Variants in TBCD observed in about 807,000 individuals in gnomAD.
TBCD encodes tubulin folding cofactor D.
A neutral mutation model predicts 169.3 loss-of-function variants in TBCD; 105 were observed. The ratio of observed to expected loss-of-function variants is 0.62; its 90% CI spans 0.53 to 0.73. The LOEUF is 0.73. Ranked by LOEUF, TBCD falls within the 30% of genes least tolerant of loss-of-function variation. TBCD has a pLI of 0.00. For synonymous variants in TBCD, 700 were observed against 643.9 expected, an observed-to-expected ratio of 1.09 and a Z score of -1.32; for missense variants, 1,444 against 1,600.1, an observed-to-expected ratio of 0.90 and a Z score of 1.66.
At chr17:82,753,824 A>G (rs2264578) in intron 1 of TBCD, among the ~76,000 whole-genome samples, 93,221 of 149,588 alleles carry the variant, frequency 0.62, 29,072 homozygotes, top group African/African-American at 0.65. Flanking sequence ...CATGGAGAAG[A>G]TTTAGTTCAC....
intron 13 of TBCD, among the ~76,000 whole-genome samples, chr17:82,855,501 C>G (rs1044754489): frequency 3.9e-5 from 6 of 151,968 alleles, no homozygotes; most frequent in Middle Eastern, 6.8e-3. Context: ...CTCCTGGGCT[C>G]ACGTGATCTA....
chr17:82,911,177 T>C (rs1254464720), intron 22 of TBCD, among the ~76,000 whole-genome samples: 2 of 152,204 alleles, frequency 1.3e-5, no homozygotes, highest in Admixed American at 1.3e-4. Flanking sequence ...TTTCATATGT[T>C]GCATTCTGTC....
At chr17:82,758,807 G>T (rs1454940264) in intron 2 of TBCD, among the ~76,000 whole-genome samples, 1 of 151,534 alleles carries the variant, frequency 6.6e-6, no homozygotes, top group Non-Finnish European at 1.5e-5. Flanking sequence ...TTACAGGCGT[G>T]TGCTACCACG....
rs956328145 is a variant in TBCD, at chr17:82,835,971, C to T, written c.1318+21037C>T. ...AGGGTGTCGGGTGACACCCTGGGCT[C>T]AGACCCCGCGCTCAGCACCCGTCTC... On this transcript the variant is annotated intron_variant, in intron 13 of 38. Coordinates refer to ENST00000355528, the MANE Select transcript of TBCD (RefSeq NM_005993.5). This position sits in a 1 kb window ranked among gnomAD's most constrained non-coding sequence, Gnocchi z 4.5. Among the ~76,000 whole-genome samples the T allele has an allele frequency of 6.6e-6, 1 of 152,218 alleles. No individual in the cohort carries two copies. Among genetic ancestry groups the T allele is most frequent in the African/African-American group, 2.4e-5 (1 of 41,460 alleles).
intron 5 of TBCD, among the ~76,000 whole-genome samples, chr17:82,770,522 C>T (rs1274348931): frequency 1.3e-5 from 2 of 151,616 alleles, no homozygotes; most frequent in Non-Finnish European, 2.9e-5. Flanking sequence ...TCGCTTGAAC[C>T]TGGGAGGCGG....
intron 5 of TBCD, among the ~76,000 whole-genome samples, chr17:82,771,880 C>T (rs547909446): frequency 2.0e-4 from 31 of 151,718 alleles, no homozygotes; most frequent in African/African-American, 6.5e-4. Context: ...GCCGAGATCG[C>T]GCCACGGCCC....
intron 13 of TBCD, among the ~76,000 whole-genome samples, chr17:82,841,982 G>A (rs962086771): frequency 6.6e-6 from 1 of 152,258 alleles, no homozygotes; most frequent in Non-Finnish European, 1.5e-5. Context: ...GAGCAAGGCG[G>A]AAGGTTCCAG....
chr17:82,904,582 G>A (rs2060109406), intron 19 of TBCD, among the ~76,000 whole-genome samples: 1 of 152,096 alleles, frequency 6.6e-6, no homozygotes, highest in Admixed American at 6.5e-5. Flanking sequence ...TTTTCTACTT[G>A]GAATAAATAA....
intron 7 of TBCD, among the ~76,000 whole-genome samples, chr17:82,787,541 C>T (rs1455713753): frequency 6.6e-6 from 1 of 152,148 alleles, no homozygotes; most frequent in African/African-American, 2.4e-5. Flanking sequence ...GGGTGCTGAG[C>T]GGGTGGGAGG....
chr17:82,932,989 C>T, intron 34 of TBCD: 1 of 501,642 alleles, frequency 2.0e-6, no homozygotes, highest in Non-Finnish European at 3.6e-6. Flanking sequence ...GGGGGCCCTG[C>T]TGTGCACTCT....
At position 82,874,773 on chromosome 17, in the gene TBCD, C is replaced by T. The variant is rs1009289303; in HGVS notation, c.1475+4393C>T. On this transcript the variant is annotated intron_variant, in intron 14 of 38. Coordinates refer to ENST00000355528, the MANE Select transcript of TBCD (RefSeq NM_005993.5). This position sits in a 1 kb window ranked among gnomAD's most constrained non-coding sequence, Gnocchi z 5.0. ...CCAGGAGCCCTGCGCACCCGGGTAT[C>T]GGTTGGGGTGTGCCCTTCCAGATCT... Among the ~76,000 whole-genome samples the T allele has an allele frequency of 9.9e-5, 15 of 152,200 alleles. No homozygotes were observed. Among genetic ancestry groups the T allele is most frequent in the Non-Finnish European group, 2.1e-4 (14 of 68,024 alleles).
At chr17:82,937,614 G>A (rs1040049840) in intron 35 of TBCD, 18 of 598,330 alleles carry the variant, frequency 3.0e-5, no homozygotes, top group Middle Eastern at 4.4e-4. Flanking sequence ...TGGCGGGAGG[G>A]GAGGCTCCGG....
At chr17:82,932,288 A>C (rs2062272792) in intron 33 of TBCD, 1 of 387,892 alleles carries the variant, frequency 2.6e-6, no homozygotes, top group Non-Finnish European at 4.8e-6. Flanking sequence ...AGGCACCTTG[A>C]CGCCCAGCGG....
chr17:82,779,769 C>T (rs996452977), intron 6 of TBCD, among the ~76,000 whole-genome samples: 2 of 151,988 alleles, frequency 1.3e-5, no homozygotes, highest in African/African-American at 2.4e-5. Context: ...GTGGAGATGA[C>T]GTGGGGGCCG....
chr17:82,826,714 C>T (rs2052880918), intron 13 of TBCD, among the ~76,000 whole-genome samples: 2 of 152,156 alleles, frequency 1.3e-5, no homozygotes, highest in Admixed American at 1.3e-4. Context: ...CCATGCCTGG[C>T]CGTGAGCCAT....
chr17:82,940,219 G>GCACACACACACACACACACACACACACA lies in TBCD; in HGVS notation c.3479+744_3479+745insACACACACACACACACACACACACACAC, dbSNP rs1422867605. On this transcript the variant is annotated intron_variant, in intron 37 of 38. Coordinates refer to ENST00000355528, the MANE Select transcript of TBCD (RefSeq NM_005993.5). ...CTCACACACATGCTCACTTGCACGC[G>GCACACACACACACACACACACACACACA]CGCACACACACACACACACACACAC... Among the ~76,000 whole-genome samples, 6 of 94,524 alleles carry GCACACACACACACACACACACACACACA rather than the reference G, an allele frequency of 6.3e-5. No individual in the cohort carries two copies. In the East Asian group the frequency reaches 9.9e-4, roughly 16 times the overall value. The allele number at this position is 94,524 out of a possible 152,430, so 62.0% of individuals were successfully genotyped here.
chr17:82,942,589 G>C lies in TBCD; in HGVS notation c.*126G>C. On this transcript the variant is annotated 3_prime_UTR_variant, in exon 39 of 39. Transcript: ENST00000355528. ...TTGAAGGGTAGCGCTGGCCCTTGGAGGCTGGCACTAGCTGACAGCTTTTCC... is the reference window on the plus strand; with the variant it reads ...TTGAAGGGTAGCGCTGGCCCTTGGACGCTGGCACTAGCTGACAGCTTTTCC... The C allele has an allele frequency of 7.5e-7, 1 of 1,330,486 alleles. No individual in the cohort carries two copies. The highest frequency in any genetic ancestry group is 1.1e-6 in the Non-Finnish European group (1 of 941,452). 82.4% of individuals were successfully genotyped at this position (1,330,486 alleles called of 1,614,324 possible).
intron 38 of TBCD, 165 bp from the exon 39 acceptor site, chr17:82,942,284 T>C: frequency 1.1e-6 from 1 of 937,340 alleles, no homozygotes; most frequent in Non-Finnish European, 1.6e-6. Flanking sequence ...TGAGCACCTG[T>C]CAGCCACATA....
chr17:82,785,256 G>A (rs2049229990), intron 7 of TBCD, among the ~76,000 whole-genome samples: 1 of 96,296 alleles, frequency 1.0e-5, no homozygotes, highest in Non-Finnish European at 2.1e-5. Context: ...CCATCGCAGC[G>A]GGAGGGGGGT....
Sources: allele counts gnomAD v4.1 joint callset (sites outside exome capture counted in the v4.1 genomes callset), GRCh38; gene constraint gnomAD v4.1.1; non-coding constraint Gnocchi (gnomAD v3.1); transcripts MANE v1.5; gene names NCBI Gene and HGNC (gene_info 2026-07-23, HGNC 2026-07-21).